ITGA2: variants seen among roughly 807,000 people sequenced by gnomAD.
The protein encoded by ITGA2 is integrin subunit alpha 2.
Under a neutral mutation model 146.3 loss-of-function variants are expected in ITGA2, and 101 were observed. The observed-to-expected ratio is 0.69, with a 90% confidence interval of 0.59 to 0.81. ITGA2 has a LOEUF of 0.81. Among genes scored for constraint, ITGA2 ranks in the 40% least tolerant of loss-of-function variants. The pLI is 0.00. For missense variants in ITGA2, 1,281 were observed against 1,402.7 expected, an observed-to-expected ratio of 0.91 and a Z score of 1.39; for synonymous variants, 477 against 487.1, an observed-to-expected ratio of 0.98 and a Z score of 0.27.
chr5:53,024,607 G>A (rs1437991158), intron 1 of ITGA2, among the ~76,000 whole-genome samples: 1 of 152,196 alleles, frequency 6.6e-6, no homozygotes, highest in Non-Finnish European at 1.5e-5. Flanking sequence ...GATGAAGAAG[G>A]GTGCTGCTGC....
intron 2 of ITGA2, among the ~76,000 whole-genome samples, chr5:53,040,388 A>G (rs1743728055): frequency 6.6e-6 from 1 of 152,192 alleles, no homozygotes; most frequent in African/African-American, 2.4e-5. Flanking sequence ...TTTTCTTGGT[A>G]CCGACTCTAT....
At chr5:53,012,226 G>C (rs1269285924) in intron 1 of ITGA2, among the ~76,000 whole-genome samples, 1 of 152,058 alleles carries the variant, frequency 6.6e-6, no homozygotes, top group African/African-American at 2.4e-5. Flanking sequence ...CTGAGAATTT[G>C]TAAGGTTTGT....
intron 1 of ITGA2, among the ~76,000 whole-genome samples, chr5:53,007,242 G>A (rs1379904957): frequency 6.6e-6 from 1 of 152,144 alleles, no homozygotes; most frequent in Non-Finnish European, 1.5e-5. Flanking sequence ...ACTACAGTAA[G>A]AGCTGCCAAT....
At chr5:53,038,742 T>C (rs1743626007) in intron 2 of ITGA2, among the ~76,000 whole-genome samples, 1 of 152,108 alleles carries the variant, frequency 6.6e-6, no homozygotes. Context: ...AAGTCACTCA[T>C]CAATCTGTGT....
Position 53,065,135 on chromosome 5 carries a change from G to T in ITGA2, c.1806+20G>T, listed in dbSNP as rs367578803. 19 of 1,606,860 alleles carry T rather than the reference G, an allele frequency of 1.2e-5. No individual in the cohort carries two copies. The African/African-American group carries it at 1.7e-4, about 15-fold the overall frequency. The stretch of plus-strand genomic sequence containing the variant: ...TCCCAGGTAATCCATGAGCTGTTAT[G>T]GTGATGTATGTATTTGTGGGTCTTA... On this transcript the variant is annotated intron_variant, in intron 14 of 29. Coordinates refer to ENST00000296585, the MANE Select transcript of ITGA2 (RefSeq NM_002203.4).
chr5:53,072,516 G>C (rs948095114), intron 18 of ITGA2, 97 bp from the exon 19 acceptor site: 16 of 798,810 alleles, frequency 2.0e-5, no homozygotes, highest in Non-Finnish European at 3.2e-5. Flanking sequence ...GTTTGGTTTT[G>C]TACTTTATGT....
Position 53,090,834 on chromosome 5 carries a change from G to A in ITGA2, c.*235G>A, listed in dbSNP as rs992539522. The stretch of plus-strand genomic sequence containing the variant: ...GAAAATACCTATTTTATATGATGGG[G>A]GAAAAAAAGTAATCTTTAAACTGGC... On this transcript the variant is annotated 3_prime_UTR_variant, in exon 30 of 30. Transcript: ENST00000296585. 6 of 591,880 alleles carry A rather than the reference G, an allele frequency of 1.0e-5. No individual in the cohort carries two copies. Among genetic ancestry groups the A allele is most frequent in the Non-Finnish European group, 1.5e-5 (5 of 332,788 alleles). The allele number at this position is 591,880 out of a possible 1,614,324, so 36.7% of individuals were successfully genotyped here.
intron 2 of ITGA2, among the ~76,000 whole-genome samples, chr5:53,033,963 C>T (rs1454378588): frequency 6.6e-6 from 1 of 152,102 alleles, no homozygotes; most frequent in Admixed American, 6.5e-5. Context: ...CGAGGTTTCA[C>T]CGTGTTGGCC....
chr5:53,048,176 C>T (rs1348987161), intron 4 of ITGA2, among the ~76,000 whole-genome samples, 187 bp from the exon 5 acceptor site: 2 of 152,204 alleles, frequency 1.3e-5, no homozygotes, highest in Non-Finnish European at 2.9e-5. Flanking sequence ...CCACTGGGCA[C>T]AGAGCACCTG....
chr5:53,056,867 G>T (rs577697335), intron 9 of ITGA2, among the ~76,000 whole-genome samples: 2 of 151,628 alleles, frequency 1.3e-5, no homozygotes, highest in South Asian at 2.1e-4. Context: ...GTTCTTGATG[G>T]TTAACCCGAA....
intron 17 of ITGA2, among the ~76,000 whole-genome samples, chr5:53,071,251 C>T (rs1215487978): frequency 2.0e-5 from 3 of 151,736 alleles, no homozygotes; most frequent in African/African-American, 7.3e-5. Flanking sequence ...TTTATAGATT[C>T]CTTAAAGGAA....
At chr5:52,993,337 ACT>A (rs1741067514) in intron 1 of ITGA2, among the ~76,000 whole-genome samples, 1 of 152,162 alleles carries the variant, frequency 6.6e-6, no homozygotes, top group Non-Finnish European at 1.5e-5. Context: ...GTCCTGAGCC[ACT>A]GTTTGACTTA....
chr5:53,012,240 T>C (rs1742170162), intron 1 of ITGA2, among the ~76,000 whole-genome samples: 1 of 152,168 alleles, frequency 6.6e-6, no homozygotes, highest in Non-Finnish European at 1.5e-5. Context: ...GGTTTGTGGA[T>C]GCATTTGGAT....
At chr5:53,021,142 G>A (rs568850177) in intron 1 of ITGA2, among the ~76,000 whole-genome samples, 17 of 151,690 alleles carry the variant, frequency 1.1e-4, no homozygotes, top group African/African-American at 4.1e-4. Flanking sequence ...TTTTCGTTAA[G>A]CACTGTCATC....
intron 12 of ITGA2, 58 bp downstream of exon 12, chr5:53,061,104 A>C (rs1744888167): frequency 6.4e-7 from 1 of 1,560,130 alleles, no homozygotes; most frequent in Non-Finnish European, 8.8e-7. Flanking sequence ...GCAGGTGGGG[A>C]GTCAGGTGAA....
At chr5:53,006,863 A>T (rs377617544) in intron 1 of ITGA2, among the ~76,000 whole-genome samples, 5 of 150,880 alleles carry the variant, frequency 3.3e-5, no homozygotes, top group Non-Finnish European at 5.9e-5. Context: ...ACAAAAACAT[A>T]AAAAAAAATT....
chr5:53,087,247 C>T (rs1746202644), intron 28 of ITGA2, among the ~76,000 whole-genome samples: 3 of 152,106 alleles, frequency 2.0e-5, no homozygotes, highest in Non-Finnish European at 2.9e-5. Context: ...TTCCTCCATG[C>T]CCCCCACTCA....
chr5:53,059,484 G>A (rs994156647), intron 10 of ITGA2, among the ~76,000 whole-genome samples: 1 of 151,830 alleles, frequency 6.6e-6, no homozygotes, highest in Non-Finnish European at 1.5e-5. Flanking sequence ...TCTCATATCC[G>A]GCTGTGAGCT....
intron 27 of ITGA2, among the ~76,000 whole-genome samples, chr5:53,084,607 T>C (rs1579909468): frequency 1.3e-5 from 2 of 152,198 alleles, no homozygotes; most frequent in East Asian, 3.9e-4. Context: ...TGTTTTCTTG[T>C]TAGTTGCATT....
Sources: gnomAD v4.1 joint callset for allele counts (sites outside exome capture counted in the v4.1 genomes callset) on GRCh38, gnomAD v4.1.1 for gene constraint, MANE v1.5 for transcripts, NCBI Gene and HGNC (gene_info 2026-07-23, HGNC 2026-07-21) for gene names.